GAK: variants seen among roughly 807,000 people sequenced by gnomAD.
GAK encodes the protein cyclin-G-associated kinase.
A neutral mutation model predicts 143.9 loss-of-function variants in GAK; 79 were observed. The ratio of observed to expected loss-of-function variants is 0.55; its 90% confidence interval spans 0.46 to 0.66. The LOEUF (loss-of-function observed/expected upper bound fraction) is 0.66. GAK is among the 30% of genes least tolerant of loss of function. The pLI is 0.00. For missense variants in GAK, 1,693 were observed against 1,779.7 expected (o/e 0.95, Z 0.88); for synonymous variants, 881 against 765.5 (o/e 1.15, Z -2.49).
At chr4:862,955 T>C (rs906713363) in intron 23 of GAK, among the ~76,000 whole-genome samples, 2 of 152,250 alleles carry the variant, frequency 1.3e-5, no homozygotes, top group African/African-American at 4.8e-5. Context: ...TCGTGTCGAC[T>C]TCCAAGTCTC....
Position 881,982 on chromosome 4 carries a change from A to T in GAK, c.1586T>A (p.Phe529Tyr). The T allele has an allele frequency of 1.2e-6, 2 of 1,605,178 alleles. No homozygotes were observed. Among genetic ancestry groups the T allele is most frequent in the East Asian group, 2.2e-5 (1 of 44,610 alleles). Residue 529 changes from phenylalanine (F) to tyrosine (Y), a missense_variant, in exon 15 of 28, where the codon TTC (phenylalanine) becomes TAC (tyrosine). This residue lies in a region of GAK where 871 missense variants were observed against 991.0 expected (regional missense o/e 0.88). Coordinates refer to ENST00000314167, the MANE Select transcript of GAK (RefSeq NM_005255.4). ...GTACACGGCGGCCTCCGCGGTGCTG[A>T]AGAGACGGCAGAAGCACAGGAAGGA... is the stretch of plus-strand genomic sequence containing the variant. ...VCSFLCFCRLFSTAEAAVYMF... is the reference protein window; with the variant it reads ...VCSFLCFCRLYSTAEAAVYMF...
At chr4:899,409 C>T (rs1302381611) in intron 5 of GAK, among the ~76,000 whole-genome samples, 1 of 152,116 alleles carries the variant, frequency 6.6e-6, no homozygotes, top group Admixed American at 6.5e-5. Context: ...GGCACACACG[C>T]GGTCAGTACG....
chr4:859,652 G>A lies in GAK; in HGVS notation c.3237C>T (p.Asn1079=). Reference sequence around the variant, plus strand: ...CGCCAAGGTCAGCAAATGGGTCCGGGTTCTGAGACTTGGTCCAGCTGGCCT... The same window carrying A: ...CGCCAAGGTCAGCAAATGGGTCCGGATTCTGAGACTTGGTCCAGCTGGCCT... ...GSQASWTKSQ[N]PDPFADLGDL... The change falls in exon 24 of 28, where the codon AAC becomes AAT. Residue 1079 remains asparagine (N), a synonymous_variant. Coordinates refer to ENST00000314167, the MANE Select transcript of GAK (RefSeq NM_005255.4). The A allele has an allele frequency of 1.2e-6, 2 of 1,603,634 alleles. No individual in the cohort carries two copies. Among genetic ancestry groups the A allele is most frequent in the Non-Finnish European group, 1.7e-6 (2 of 1,171,300 alleles).
chr4:870,708 T>C lies in GAK; in HGVS notation c.2248+3A>G. 6.2e-7 allele frequency: 1 copy of C among 1,613,438 alleles called. No individual in the cohort carries two copies. Among genetic ancestry groups the C allele is most frequent in the Non-Finnish European group, 8.5e-7 (1 of 1,179,812 alleles). ...TTCACCTAATTCACCTGCGGGATCT[T>C]ACCAAACTTAGACAGAATGTCTTGC... On this transcript the variant is annotated splice_donor_region_variant and intron_variant, in intron 19 of 27. Coordinates refer to ENST00000314167, the MANE Select transcript of GAK (RefSeq NM_005255.4).
chr4:851,711 C>T (rs757723323), intron 25 of GAK, 39 bp downstream of exon 25: 2 of 1,589,112 alleles, frequency 1.3e-6, no homozygotes, highest in South Asian at 2.2e-5. Context: ...TCAGGGAGGT[C>T]TCTGCAAACT....
chr4:905,620 C>T (rs932206789), intron 4 of GAK, among the ~76,000 whole-genome samples: 3 of 151,698 alleles, frequency 2.0e-5, no homozygotes, highest in Admixed American at 6.6e-5. Context: ...AACCAGGCCA[C>T]GCTTCGGACT....
intron 1 of GAK, among the ~76,000 whole-genome samples, chr4:931,328 A>C (rs924351092): frequency 1.3e-5 from 2 of 152,194 alleles, no homozygotes; most frequent in Admixed American, 1.3e-4. Flanking sequence ...ACACGGAATC[A>C]CACGAGTAGA....
rs774959451 is a variant in GAK at position 893,874 on chromosome 4, G to A, written c.877C>T (p.Arg293Cys). 25 of 1,584,470 alleles carry A rather than the reference G, an allele frequency of 1.6e-5. No homozygotes were observed. The highest frequency in any genetic ancestry group is 1.0e-4 in the South Asian group (9 of 86,878). The change falls in exon 8 of 28, where the codon CGC becomes TGC. Residue 293 changes from arginine to cysteine, a missense_variant and splice_region_variant. By Grantham distance (180) the Arg-to-Cys change is radical. This residue lies in a region of GAK where 871 missense variants were observed against 991.0 expected (regional missense o/e 0.88). Coordinates refer to ENST00000314167, the MANE Select transcript of GAK (RefSeq NM_005255.4). ...TQYTVFHSLI[R>C]AMLQVNPEER... ...ACGCACGCATTCCACCGGGACTTAC[G>A]GATGAGGCTGTGGAAGACCGTGTAC...
Position 859,055 on chromosome 4 carries a change from G to A in GAK, c.3283+551C>T, listed in dbSNP as rs574149897. ...CTGAGAAGCCACAGGGACCCCAGGG[G>A]GATGCATCTTGGGAGTGAACCCAGA... is the stretch of plus-strand genomic sequence containing the variant. On this transcript the variant is annotated intron_variant, in intron 24 of 27. Transcript: ENST00000314167. 4 of 538,780 alleles carry A rather than the reference G, an allele frequency of 7.4e-6. No individual in the cohort carries two copies. The East Asian group carries it at 4.4e-4, about 59-fold the overall frequency. 33.4% of individuals were successfully genotyped at this position (538,780 alleles called of 1,614,324 possible).
intron 1 of GAK, among the ~76,000 whole-genome samples, chr4:929,086 G>C (rs1725279703): frequency 6.6e-6 from 1 of 152,192 alleles, no homozygotes; most frequent in African/African-American, 2.4e-5. Flanking sequence ...TAAGTGAAGG[G>C]AGGAAGCCTC....
chr4:873,918 G>T (rs1713248630), intron 18 of GAK, among the ~76,000 whole-genome samples: 1 of 152,200 alleles, frequency 6.6e-6, no homozygotes, highest in Admixed American at 6.5e-5. Context: ...CAGGGCGTCG[G>T]TCTACCAGCT....
rs761151758 is a variant in GAK, at chr4:877,144, C to T, written c.1920G>A (p.Val640=). ...IPLGVTVQGD[V]LIVIYHARST... ...ACCGGGCGTGATAGATGACGATGAG[C>T]ACGTCTCCTTGCACCGTGACGCCCA... Residue 640 remains valine, a synonymous_variant, in exon 17 of 28, where the codon GTG becomes GTA. Transcript: ENST00000314167. 1.2e-6 allele frequency: 2 copies of T among 1,614,014 alleles called. No homozygotes were observed. Among genetic ancestry groups the T allele is most frequent in the South Asian group, 2.2e-5 (2 of 91,072 alleles).
At chr4:911,120 T>C (rs536014298) in intron 4 of GAK, among the ~76,000 whole-genome samples, 1 of 152,250 alleles carries the variant, frequency 6.6e-6, no homozygotes, top group East Asian at 1.9e-4. Flanking sequence ...CATGGAGTCG[T>C]TGTGCCATCT....
At chr4:856,183 CCTG>C (rs1467604241) in intron 24 of GAK, among the ~76,000 whole-genome samples, 8 of 134,746 alleles carry the variant, frequency 5.9e-5, no homozygotes, top group African/African-American at 1.9e-4. Context: ...GCTGCTCACA[CCTG>C]CTCACCACAG....
chr4:896,430 G>T, intron 7 of GAK, 30 bp downstream of exon 7: 2 of 1,587,054 alleles, frequency 1.3e-6, no homozygotes, highest in South Asian at 2.2e-5. Context: ...ACGGAGCCAG[G>T]CACTGCCACT....
At chr4:930,810 T>C (rs536511628) in intron 1 of GAK, among the ~76,000 whole-genome samples, 1 of 152,276 alleles carries the variant, frequency 6.6e-6, no homozygotes, top group Admixed American at 6.5e-5. Context: ...TTGACCACAA[T>C]GGAGACAAAG....
intron 5 of GAK, among the ~76,000 whole-genome samples, chr4:903,301 G>A (rs757691971): frequency 3.9e-5 from 6 of 152,278 alleles, no homozygotes; most frequent in East Asian, 3.9e-4. Flanking sequence ...GGAGAAACCC[G>A]TGGTGACAGG....
At chr4:851,715 G>A in intron 25 of GAK, 35 bp downstream of exon 25, 1 of 1,598,168 alleles carries the variant, frequency 6.3e-7, no homozygotes. Context: ...GGAGGTCTCT[G>A]CAAACTCCAC....
chr4:897,969 C>A, intron 6 of GAK, 64 bp downstream of exon 6: 4 of 1,532,636 alleles, frequency 2.6e-6, no homozygotes, highest in East Asian at 2.4e-5. Flanking sequence ...AACAGCACTC[C>A]GCACTCAGGG....
Sources: gnomAD v4.1 joint callset for allele counts (sites outside exome capture counted in the v4.1 genomes callset) on GRCh38, gnomAD v4.1.1 for gene constraint, gnomAD v4.1.1 regional missense constraint, MANE v1.5 for transcripts, NCBI Gene and HGNC (gene_info 2026-07-23, HGNC 2026-07-21) for gene names.